EIF2D: variants seen among roughly 807,000 people sequenced by gnomAD.
The protein encoded by EIF2D is eukaryotic translation initiation factor 2D.
A neutral mutation model predicts 77.4 loss-of-function variants in EIF2D; 56 were observed. That is an observed-to-expected ratio of 0.72 (90% confidence interval 0.58 to 0.90). The LOEUF is 0.90. Among genes scored for constraint, EIF2D ranks in the 40% least tolerant of loss-of-function variants. The probability of loss-of-function intolerance (pLI) is 0.00; values close to 1 mark genes in which losing one functional copy is unlikely to be tolerated. For synonymous variants in EIF2D, 230 were observed against 271.0 expected (o/e 0.85, Z 1.49); for missense variants, 574 against 706.5 (o/e 0.81, Z 2.13).
At chr1:206,602,832 G>A in intron 6 of EIF2D, 119 bp downstream of exon 6, 1 of 1,423,306 alleles carries the variant, frequency 7.0e-7, no homozygotes, top group Non-Finnish European at 9.5e-7. Flanking sequence ...CAGAAAATAA[G>A]GACCTTCCCC....
intron 11 of EIF2D, among the ~76,000 whole-genome samples, chr1:206,597,487 T>C (rs1669706123): frequency 6.6e-6 from 1 of 152,202 alleles, no homozygotes; most frequent in Non-Finnish European, 1.5e-5. Context: ...CAAAATTGGC[T>C]AGTGAGGAAG....
chr1:206,605,787 T>C (rs933488596), intron 4 of EIF2D, among the ~76,000 whole-genome samples: 1 of 152,298 alleles, frequency 6.6e-6, no homozygotes, highest in East Asian at 1.9e-4. Context: ...CTGCTGTGAA[T>C]TAAATCTCCA....
chr1:206,593,205 C>A (rs1345203247), intron 14 of EIF2D, among the ~76,000 whole-genome samples: 1 of 152,106 alleles, frequency 6.6e-6, no homozygotes, highest in African/African-American at 2.4e-5. Context: ...GGTACGGAAC[C>A]TCTCTGGGCC....
intron 8 of EIF2D, 38 bp downstream of exon 8, chr1:206,600,225 A>C: frequency 6.2e-7 from 1 of 1,603,630 alleles, no homozygotes; most frequent in South Asian, 1.1e-5. Context: ...CCCCTACACA[A>C]CTCTCTGCAT....
In EIF2D at chr1:206,599,795, T is replaced by A; in HGVS notation, c.990A>T (p.Ile330=). 2 of 1,614,054 alleles carry A rather than the reference T, an allele frequency of 1.2e-6. No homozygotes were observed. Among genetic ancestry groups the A allele is most frequent in the South Asian group, 2.2e-5 (2 of 91,082 alleles). The change falls in exon 9 of 15, where the codon ATA becomes ATT. Residue 330 remains isoleucine, a synonymous_variant. Coordinates refer to ENST00000271764, the MANE Select transcript of EIF2D (RefSeq NM_006893.3). This position sits in a 1 kb window ranked among gnomAD's most constrained non-coding sequence, Gnocchi z 4.1. ...CCCCTTTGCTCAGCTCCTTCACCTG[T>A]ATAATCTGCTCCTGCTGCATTTGCT... ...FLQQMQQEQI[I]QVKELSKGVE...
intron 2 of EIF2D, among the ~76,000 whole-genome samples, chr1:206,610,768 C>T (rs1553413749): frequency 6.6e-6 from 1 of 152,128 alleles, no homozygotes; most frequent in Non-Finnish European, 1.5e-5. Flanking sequence ...TTGCAGTGAG[C>T]TGAGATTGCG....
chr1:206,578,510 C>T lies in EIF2D; in HGVS notation c.*254+2182G>A, dbSNP rs145163494. Among the ~76,000 whole-genome samples the T allele has an allele frequency of 5.2e-3, 786 of 152,164 alleles. 5 individuals carry two copies. The highest frequency in any genetic ancestry group is 8.2e-3 in the Admixed American group (125 of 15,284). On this transcript the variant is annotated intron_variant and NMD_transcript_variant, in intron 4 of 5. Transcript: ENST00000472709. ...GCTGGAGTGATCAGGAAGAGCTTGA[C>T]AAATAAAGTGACTTCTGATGGGCAA...
Position 206,602,594 on chromosome 1 carries a change from C to G in EIF2D, c.785-141G>C. On this transcript the variant is annotated intron_variant, in intron 6 of 14. Coordinates refer to ENST00000271764, the MANE Select transcript of EIF2D (RefSeq NM_006893.3). ...TCCCAGGTACCAAAGCTCCCAGCCT[C>G]TCTTGAGCACTGAGCCTTTAAAGAG... 6 of 739,594 alleles carry G rather than the reference C, an allele frequency of 8.1e-6. No individual in the cohort carries two copies. In the South Asian group the frequency reaches 1.0e-4, roughly 13 times the overall value. 45.8% of individuals were successfully genotyped at this position (739,594 alleles called of 1,614,324 possible).
chr1:206,572,311 C>G (rs576669003), intron 5 of EIF2D, among the ~76,000 whole-genome samples: 1 of 152,322 alleles, frequency 6.6e-6, no homozygotes, highest in African/African-American at 2.4e-5. Context: ...CTTGAGGGAG[C>G]TTCTTCCGAG....
At chr1:206,569,784 C>T (rs1474354188), downstream of EIF2D, among the ~76,000 whole-genome samples, 3 of 152,186 alleles carry the variant, frequency 2.0e-5, no homozygotes, top group Non-Finnish European at 4.4e-5. Flanking sequence ...ATGCCCGCTA[C>T]GACTGCAGCA....
chr1:206,593,512 T>TGTGTGTGCGTGC (rs1175297746), intron 14 of EIF2D, 107 bp downstream of exon 14: 3 of 507,006 alleles, frequency 5.9e-6, no homozygotes, highest in Admixed American at 3.5e-5. Flanking sequence ...AGAGAGAGTG[T>TGTGTGTGCGTGC]GTGTGTGTGT....
intron 2 of EIF2D, among the ~76,000 whole-genome samples, chr1:206,610,933 C>T (rs1438793021): frequency 1.3e-5 from 2 of 152,184 alleles, no homozygotes; most frequent in Non-Finnish European, 2.9e-5. Context: ...CCCTTTGCAA[C>T]CACCCTTACT....
Position 206,591,823 on chromosome 1 carries a change from T to C in EIF2D, c.1707A>G (p.Lys569=), listed in dbSNP as rs931122767. ...GGGCCTTTTCTAGACCTTGGATGTG[T>C]TTTCGAGGGAGCTGATACTCTTCTA... ...LLLEEYQLPR[K]HIQGLEKALK... is the part of the protein sequence containing the mutation. The change falls in exon 15 of 15, where the codon AAA becomes AAG. Residue 569 remains lysine, a synonymous_variant. Transcript: ENST00000271764. The C allele has an allele frequency of 6.2e-7, 1 of 1,614,092 alleles. No individual in the cohort carries two copies. The highest frequency in any genetic ancestry group is 8.5e-7 in the Non-Finnish European group (1 of 1,180,010).
chr1:206,602,818 C>T, intron 6 of EIF2D, 133 bp downstream of exon 6: 1 of 1,335,694 alleles, frequency 7.5e-7, no homozygotes, highest in Non-Finnish European at 1.0e-6. Context: ...CTGCGCCACC[C>T]TCACAGAAAA....
downstream of EIF2D, among the ~76,000 whole-genome samples, chr1:206,569,709 C>A (rs542979921): frequency 3.9e-5 from 6 of 152,350 alleles, no homozygotes; most frequent in African/African-American, 1.4e-4. Context: ...CCTTCCTGAT[C>A]TCTGAGCACA....
chr1:206,602,397 T>A lies in EIF2D; in HGVS notation c.841A>T (p.Lys281Ter), dbSNP rs1553411491. 1 of 1,614,258 alleles carries A rather than the reference T, an allele frequency of 6.2e-7. No homozygotes were observed. Among genetic ancestry groups the A allele is most frequent in the Non-Finnish European group, 8.5e-7 (1 of 1,180,048 alleles). ...GTGAGTAAAGGGAGGTCAGCCTTTT[T>A]GACTCGGCACTTCAAGGCATGTAAG... ...CFLHALKCRVKKADLPLLTST... is the reference protein window; with the variant it reads ...CFLHALKCRV The change falls in exon 7 of 15, where the codon AAA (lysine) becomes TAA (stop). Residue 281 changes from lysine to a stop codon, truncating the protein, a stop_gained. Coordinates refer to ENST00000271764, the MANE Select transcript of EIF2D (RefSeq NM_006893.3). LOFTEE classifies it high-confidence loss of function.
chr1:206,603,095 C>T lies in EIF2D; in HGVS notation c.640G>A (p.Asp214Asn), dbSNP rs781890491. The change falls in exon 6 of 15, where the codon GAC (aspartate) becomes AAC (asparagine). Residue 214 changes from aspartate (D) to asparagine (N), a missense_variant. Transcript: ENST00000271764. ...SVQMDSTLQG[D>N]MRHMTLEGEE... The stretch of plus-strand genomic sequence containing the variant: ...CCCTCCAGGGTCATGTGCCTCATGT[C>T]TCCCTGCAGGGTGGAGTCCATCTGG... 2.7e-5 allele frequency: 43 copies of T among 1,614,056 alleles called. No individual in the cohort carries two copies. The highest frequency in any genetic ancestry group is 3.4e-5 in the Non-Finnish European group (40 of 1,180,044).
intron 3 of EIF2D, among the ~76,000 whole-genome samples, chr1:206,608,916 G>T (rs944154135): frequency 6.6e-6 from 1 of 152,152 alleles, no homozygotes; most frequent in African/African-American, 2.4e-5. Context: ...GCCAGGCGTG[G>T]TGATGCACAC....
Position 206,612,190 on chromosome 1 carries a change from C to G in EIF2D, c.56+97G>C, listed in dbSNP as rs934539094. ...CCTGGCATACCCCTCGGCCTCCACCCGAGGATGTCGGCCAAGAATAGCGAG... is the reference window on the plus strand; with the variant it reads ...CCTGGCATACCCCTCGGCCTCCACCGGAGGATGTCGGCCAAGAATAGCGAG... On this transcript the variant is annotated intron_variant, in intron 1 of 14. Coordinates refer to ENST00000271764, the MANE Select transcript of EIF2D (RefSeq NM_006893.3). 233 of 1,555,360 alleles carry G rather than the reference C, an allele frequency of 1.5e-4. No homozygotes were observed. The African/African-American group carries it at 2.7e-3, about 18-fold the overall frequency.
Sources: gnomAD v4.1 joint callset for allele counts (sites outside exome capture counted in the v4.1 genomes callset) on GRCh38, gnomAD v4.1.1 for gene constraint, Gnocchi (gnomAD v3.1) non-coding constraint, MANE v1.5 for transcripts, NCBI Gene and HGNC (gene_info 2026-07-23, HGNC 2026-07-21) for gene names.